The following CNTN1 variants were observed in gnomAD, a reference collection of about 807,000 sequenced individuals.
CNTN1 encodes the protein contactin-1.
In CNTN1, 38 loss-of-function variants were observed where a neutral mutation model predicts 126.4. That is an observed-to-expected ratio of 0.30 (90% CI 0.23 to 0.39). The LOEUF (loss-of-function observed/expected upper bound fraction) is 0.39, where lower values mean the gene tolerates loss of function less well. Among genes scored for constraint, CNTN1 ranks in the 10% least tolerant of loss-of-function variants. The probability of loss-of-function intolerance (pLI) is 1.00; values close to 1 mark genes in which losing one functional copy is unlikely to be tolerated. For synonymous variants in CNTN1, 413 were observed against 422.6 expected, an observed-to-expected ratio of 0.98 and a Z score of 0.28; for missense variants, 1,009 against 1,248.4, an observed-to-expected ratio of 0.81 and a Z score of 2.89.
At chr12:40,970,196 G>A (rs1464113535) in intron 15 of CNTN1, among the ~76,000 whole-genome samples, 1 of 151,998 alleles carries the variant, frequency 6.6e-6, no homozygotes, top group Non-Finnish European at 1.5e-5. Flanking sequence ...ACCCCTCTCT[G>A]GAGGAGTTTA....
rs927512318 is a variant in CNTN1, at chr12:40,905,982, A to G, written c.-76-2375A>G. 6.6e-5 allele frequency among the ~76,000 whole-genome samples: 10 copies of G among 152,358 alleles called. No individual in the cohort carries two copies. In the East Asian group the frequency reaches 1.9e-3, roughly 29 times the overall value. On this transcript the variant is annotated intron_variant, in intron 1 of 23. Transcript: ENST00000551295. The stretch of plus-strand genomic sequence containing the variant: ...CATGTAATTGATTTTCCTGTCCTCT[A>G]AAAGAATTGTTGGCCGGGTGCAATG...
In CNTN1 at chr12:40,759,104, A is replaced by T. The variant is rs370333512; in HGVS notation, c.-77+66512A>T. On this transcript the variant is annotated intron_variant, in intron 1 of 23. Coordinates refer to ENST00000551295, the MANE Select transcript of CNTN1 (RefSeq NM_001843.4). ...TTTTAGTAGAGATGGAGGTTTCATC[A>T]TGTTGGTCAGGCTAGTCTCAAACTC... Among the ~76,000 whole-genome samples the T allele has an allele frequency of 5.9e-5, 9 of 152,062 alleles. No individual in the cohort carries two copies. The East Asian group carries it at 7.8e-4, about 13-fold the overall frequency.
intron 23 of CNTN1, among the ~76,000 whole-genome samples, chr12:41,053,428 AATATATATATATATATATAT>A (rs66808071): frequency 4.5e-4 from 29 of 64,110 alleles, no homozygotes; most frequent in African/African-American, 9.0e-4. Context: ...GTTTTCACTA[AATATATATATATATATATAT>A]ATATATATAT....
intron 1 of CNTN1, among the ~76,000 whole-genome samples, chr12:40,810,489 T>C (rs547752180): frequency 6.6e-6 from 1 of 152,302 alleles, no homozygotes; most frequent in South Asian, 2.1e-4. Context: ...CTAGAACTTA[T>C]TCATCTTACA....
chr12:40,990,669 A>G (rs1391552573), intron 16 of CNTN1, among the ~76,000 whole-genome samples: 1 of 152,092 alleles, frequency 6.6e-6, no homozygotes, highest in East Asian at 1.9e-4. Flanking sequence ...CACTTTTTAT[A>G]TGCACTCAAA....
At chr12:40,881,217 G>A (rs934172602) in intron 1 of CNTN1, among the ~76,000 whole-genome samples, 7 of 151,848 alleles carry the variant, frequency 4.6e-5, no homozygotes, top group African/African-American at 9.7e-5. Context: ...TTTACTCCAG[G>A]GTGTTGTATA....
chr12:40,944,652 T>C (rs1474117842), intron 14 of CNTN1, among the ~76,000 whole-genome samples: 1 of 151,574 alleles, frequency 6.6e-6, no homozygotes, highest in East Asian at 1.9e-4. Flanking sequence ...GGCTATATTT[T>C]AAGAATTGAA....
chr12:40,928,364 C>A (rs1448020482), intron 6 of CNTN1, among the ~76,000 whole-genome samples: 1 of 151,878 alleles, frequency 6.6e-6, no homozygotes, highest in Non-Finnish European at 1.5e-5. Context: ...ATCCCAGGAG[C>A]CCTCATTTAA....
chr12:40,894,495 G>A (rs1565897638), intron 1 of CNTN1, among the ~76,000 whole-genome samples: 1 of 152,146 alleles, frequency 6.6e-6, no homozygotes. Context: ...GGGATATATG[G>A]AAACTCTCTG....
chr12:40,829,900 G>T (rs1941750173), intron 1 of CNTN1, among the ~76,000 whole-genome samples: 1 of 152,142 alleles, frequency 6.6e-6, no homozygotes, highest in Admixed American at 6.5e-5. Flanking sequence ...GAAACTTAAA[G>T]ATATTTATTG....
At chr12:40,997,791 T>A (rs1341974175) in intron 17 of CNTN1, among the ~76,000 whole-genome samples, 2 of 152,336 alleles carry the variant, frequency 1.3e-5, no homozygotes, top group East Asian at 3.9e-4. Context: ...AAATAACTTC[T>A]AAGTTCTAGA....
chr12:40,833,683 G>A (rs1028366353), intron 1 of CNTN1, among the ~76,000 whole-genome samples: 1 of 152,072 alleles, frequency 6.6e-6, no homozygotes, highest in Non-Finnish European at 1.5e-5. Context: ...CCAAGTTGTG[G>A]TTGATAAAGG....
At chr12:40,834,668 G>A (rs566063871) in intron 1 of CNTN1, among the ~76,000 whole-genome samples, 68 of 152,236 alleles carry the variant, frequency 4.5e-4, no homozygotes, top group African/African-American at 1.6e-3. Flanking sequence ...ATCAGTATGA[G>A]GGCATCCAAG....
chr12:40,795,255 G>T (rs1236613396), intron 1 of CNTN1, among the ~76,000 whole-genome samples: 1 of 146,344 alleles, frequency 6.8e-6, no homozygotes, highest in Non-Finnish European at 1.5e-5. Context: ...ATAAATCTCT[G>T]TAAACATGTC....
At chr12:40,833,134 C>A (rs750630026) in intron 1 of CNTN1, among the ~76,000 whole-genome samples, 2 of 152,030 alleles carry the variant, frequency 1.3e-5, no homozygotes, top group Non-Finnish European at 2.9e-5. Flanking sequence ...CGGCTCACGG[C>A]AACCTCCTGG....
chr12:40,765,041 G>A (rs1440043807), intron 1 of CNTN1, among the ~76,000 whole-genome samples: 1 of 150,574 alleles, frequency 6.6e-6, no homozygotes, highest in Non-Finnish European at 1.5e-5. Flanking sequence ...GTAGTAATTG[G>A]GTACAATATT....
intron 1 of CNTN1, among the ~76,000 whole-genome samples, chr12:40,788,525 G>A (rs961268063): frequency 1.3e-5 from 2 of 152,044 alleles, no homozygotes; most frequent in African/African-American, 4.8e-5. Flanking sequence ...TTTCCTGCCA[G>A]CAGCCTCAGT....
chr12:40,802,583 G>A (rs1940697303), intron 1 of CNTN1, among the ~76,000 whole-genome samples: 1 of 151,774 alleles, frequency 6.6e-6, no homozygotes, highest in African/African-American at 2.4e-5. Flanking sequence ...AGACTTTTAA[G>A]ATTAGGAAAC....
chr12:41,051,197 G>C (rs1046376437), intron 23 of CNTN1, among the ~76,000 whole-genome samples: 9 of 148,634 alleles, frequency 6.1e-5, no homozygotes, highest in African/African-American at 2.3e-4. Flanking sequence ...ACCCAGGCTG[G>C]AGTGCAGTGG....
Sources: allele counts gnomAD v4.1 joint callset (sites outside exome capture counted in the v4.1 genomes callset), GRCh38; gene constraint gnomAD v4.1.1; transcripts MANE v1.5; gene names NCBI Gene and HGNC (gene_info 2026-07-23, HGNC 2026-07-21).